Variants in LAMB1 observed in about 807,000 individuals in gnomAD.
The protein encoded by LAMB1 is laminin subunit beta-1.
A neutral mutation model predicts 222.3 loss-of-function variants in LAMB1; 121 were observed. The ratio of observed to expected loss-of-function variants is 0.54; its 90% CI spans 0.47 to 0.63. The LOEUF (loss-of-function observed/expected upper bound fraction) is 0.63, where lower values mean the gene tolerates loss of function less well. LAMB1 is among the 30% of genes least tolerant of loss of function. LAMB1 has a pLI of 0.00. For missense variants in LAMB1, 2,172 were observed against 2,240.8 expected (o/e 0.97, Z 0.62); for synonymous variants, 794 against 807.2 (o/e 0.98, Z 0.28).
At chr7:107,942,622 G>C (rs1034349771) in intron 24 of LAMB1, 1 of 152,158 alleles carries the variant, frequency 6.6e-6, no homozygotes, top group South Asian at 2.1e-4. Flanking sequence ...TTCCACATCT[G>C]TAAGAAGAGG....
chr7:107,924,452 G>T, intron 32 of LAMB1, 63 bp from the exon 33 acceptor site: 1 of 1,299,150 alleles, frequency 7.7e-7, no homozygotes. Context: ...ACATTTAAGA[G>T]CAATAGTGTA....
At chr7:107,944,810 A>T (rs2033081094) in intron 24 of LAMB1, among the ~76,000 whole-genome samples, 1 of 152,246 alleles carries the variant, frequency 6.6e-6, no homozygotes, top group Non-Finnish European at 1.5e-5. Flanking sequence ...CATGGACACT[A>T]ATGTATGGAG....
intron 5 of LAMB1, among the ~76,000 whole-genome samples, chr7:107,986,980 CA>C (rs2034091099): frequency 6.6e-6 from 1 of 152,324 alleles, no homozygotes; most frequent in East Asian, 1.9e-4. Context: ...AACAGGAACT[CA>C]AACAGACACT....
Position 107,975,303 on chromosome 7 carries a change from C to T in LAMB1, c.1300G>A (p.Gly434Arg), listed in dbSNP as rs151243430. The change falls in exon 11 of 34, where the codon GGA becomes AGA. Residue 434 changes from glycine to arginine, a missense_variant. Gly to Arg is a moderately radical substitution (Grantham distance 125). Transcript: ENST00000222399. ...TCTTTGCAAACATCACAATGTTCTC[C>T]TTCCACATTTAATTTACACCGACAC... ...GQCRCKLNVE[G>R]EHCDVCKEGF... 60 of 1,613,994 alleles carry T rather than the reference C, an allele frequency of 3.7e-5. No individual in the cohort carries two copies. The African/African-American group carries it at 5.7e-4, about 15-fold the overall frequency.
At chr7:107,982,890 G>A (rs552262943) in intron 7 of LAMB1, among the ~76,000 whole-genome samples, 1 of 152,232 alleles carries the variant, frequency 6.6e-6, no homozygotes, top group East Asian at 1.9e-4. Flanking sequence ...AAGATTCTCC[G>A]ATGTCATTTA....
At chr7:107,931,853 G>C (rs1441877330) in intron 28 of LAMB1, 4 of 493,500 alleles carry the variant, frequency 8.1e-6, no homozygotes, top group Non-Finnish European at 1.1e-5. Context: ...GCTTAGTATA[G>C]AGTTTTTGTC....
intron 24 of LAMB1, 181 bp downstream of exon 24, chr7:107,951,045 G>C (rs2033234997): frequency 1.8e-6 from 1 of 567,332 alleles, no homozygotes; most frequent in Non-Finnish European, 3.2e-6. Flanking sequence ...ATACTTATGG[G>C]CAGGGCTAGA....
chr7:107,959,038 G>A (rs554989213), intron 20 of LAMB1, among the ~76,000 whole-genome samples: 9 of 152,082 alleles, frequency 5.9e-5, no homozygotes, highest in South Asian at 2.1e-4. Context: ...TGTTCTCTGC[G>A]GTATCTCCAG....
chr7:107,982,695 C>A (rs182016658), intron 7 of LAMB1, among the ~76,000 whole-genome samples: 95 of 152,196 alleles, frequency 6.2e-4, no homozygotes, highest in African/African-American at 2.3e-3. Flanking sequence ...CAAATATGCT[C>A]CCCCCACTCT....
At chr7:107,932,418 G>C (rs895182463) in intron 27 of LAMB1, 41 bp from the exon 28 acceptor site, 1 of 1,600,534 alleles carries the variant, frequency 6.2e-7, no homozygotes, top group African/African-American at 1.3e-5. Flanking sequence ...TTCGGATAGT[G>C]AATCTGCTGC....
At chr7:107,971,362 A>C (rs2150436177) in intron 13 of LAMB1, among the ~76,000 whole-genome samples, 1 of 152,320 alleles carries the variant, frequency 6.6e-6, no homozygotes, top group South Asian at 2.1e-4. Flanking sequence ...TATCAGGTAA[A>C]AGGTTTTGAT....
At position 107,986,311 on chromosome 7, in the gene LAMB1, GT is replaced by G; in HGVS notation, c.475del (p.Thr159ProfsTer24). On this transcript the variant is annotated frameshift_variant, in exon 6 of 34. Coordinates refer to ENST00000222399, the MANE Select transcript of LAMB1 (RefSeq NM_002291.3). LOFTEE classifies it high-confidence loss of function. Reference protein sequence around the residue: ...LIERSSDFGKTWGVYRYFAYD... With the variant: ...LIERSSDFGKXWGVYRYFAYD... ...GGCGAAGTATCTATACACACCCCAG[GT>G]TTTCCCAAAGTCGGACGATCGTTCT... The G allele has an allele frequency of 6.2e-7, 1 of 1,611,198 alleles. No individual in the cohort carries two copies. Among genetic ancestry groups the G allele is most frequent in the East Asian group, 2.2e-5 (1 of 44,790 alleles).
At chr7:107,973,177 A>C (rs1361724613) in intron 12 of LAMB1, 106 bp from the exon 13 acceptor site, 3 of 888,484 alleles carry the variant, frequency 3.4e-6, no homozygotes, top group Non-Finnish European at 3.8e-6. Flanking sequence ...CCAAATGCTC[A>C]TTTTCATCAT....
rs1584483891 is a variant in LAMB1 at position 107,931,230 on chromosome 7, T to C, written c.4537+126A>G. 6.5e-6 allele frequency: 5 copies of C among 764,048 alleles called. No homozygotes were observed. In the East Asian group the frequency reaches 1.0e-4, roughly 16 times the overall value. 47.3% of individuals were successfully genotyped at this position (764,048 alleles called of 1,614,324 possible). A position where few individuals can be genotyped will look rare whatever the true frequency, so the allele number is the denominator to read the frequency against. On this transcript the variant is annotated intron_variant, in intron 29 of 33. Transcript: ENST00000222399. ...AAGTTTAAGAAGTGGAAACATTTAA[T>C]ATACGGACGTTTTTCTTATTTGGAA...
rs41281051 is a variant in LAMB1 at position 107,972,762 on chromosome 7, T to C, written c.1562+230A>G. Among the ~76,000 whole-genome samples the C allele has an allele frequency of 0.44, 67,043 of 152,032 alleles. 15,198 individuals are homozygous for C. Among genetic ancestry groups the C allele is most frequent in the East Asian group, 0.69 (3,541 of 5,166 alleles). ...GATAGGAAAATAAACTAGTTCAATA[T>C]GTCTGGAACAACCTAACATTCTCTA... On this transcript the variant is annotated intron_variant, in intron 13 of 33. Coordinates refer to ENST00000222399, the MANE Select transcript of LAMB1 (RefSeq NM_002291.3).
At chr7:107,972,360 G>A (rs1229308086) in intron 13 of LAMB1, among the ~76,000 whole-genome samples, 1 of 152,194 alleles carries the variant, frequency 6.6e-6, no homozygotes, top group Non-Finnish European at 1.5e-5. Context: ...TCTCTCAGCA[G>A]TCACTTACAC....
intron 3 of LAMB1, chr7:107,999,974 G>T (rs138284775): frequency 6.6e-6 from 1 of 152,056 alleles, no homozygotes; most frequent in African/African-American, 2.4e-5. Context: ...TCACTGAGAG[G>T]ATAGTCTTTC....
intron 9 of LAMB1, among the ~76,000 whole-genome samples, chr7:107,977,481 A>C (rs2033890434): frequency 6.6e-6 from 1 of 152,096 alleles, no homozygotes; most frequent in Non-Finnish European, 1.5e-5. Context: ...TTTTTCTCTC[A>C]CGGTCATCTT....
chr7:107,950,652 GAA>G (rs1342026156), intron 24 of LAMB1, among the ~76,000 whole-genome samples: 2 of 152,066 alleles, frequency 1.3e-5, no homozygotes, highest in African/African-American at 2.4e-5. Context: ...TGTTGTGCAC[GAA>G]GTCTCCATGA....
Sources: gnomAD v4.1 joint callset for allele counts (sites outside exome capture counted in the v4.1 genomes callset) on GRCh38, gnomAD v4.1.1 for gene constraint, MANE v1.5 for transcripts, NCBI Gene and HGNC (gene_info 2026-07-23, HGNC 2026-07-21) for gene names.